The following STING1 variants were observed in gnomAD, a reference collection of about 807,000 sequenced individuals.
STING1 encodes the protein stimulator of interferon genes protein.
In STING1, 19 loss-of-function variants were observed where a neutral mutation model predicts 31.6. That is an observed-to-expected ratio of 0.60 (90% CI 0.42 to 0.88). The LOEUF (loss-of-function observed/expected upper bound fraction) is 0.88. Ranked by LOEUF, STING1 falls within the 40% of genes least tolerant of loss-of-function variation. The pLI is 0.00. For synonymous variants in STING1, 200 were observed against 208.6 expected, an observed-to-expected ratio of 0.96 and a Z score of 0.35; for missense variants, 371 against 483.7, an observed-to-expected ratio of 0.77 and a Z score of 2.19.
rs749076471 is a variant in STING1 at position 139,481,231 on chromosome 5, G to T, written c.339C>A (p.Val113=). 6.2e-7 allele frequency: 1 copy of T among 1,614,152 alleles called. No homozygotes were observed. The highest frequency in any genetic ancestry group is 8.5e-7 in the Non-Finnish European group (1 of 1,180,022). The change falls in exon 4 of 8, where the codon GTC becomes GTA. Residue 113 remains valine, a synonymous_variant. Coordinates refer to ENST00000330794, the MANE Select transcript of STING1 (RefSeq NM_198282.4). The surrounding 1 kb of genome is among the most constrained non-coding windows in gnomAD (Gnocchi z 4.1). The stretch of plus-strand genomic sequence containing the variant: ...CAAGCATCCAAGTGAAGGGCGGGCC[G>T]ACCGCATTTGGGAGGGAGTAGTAGA... ...IYFYYSLPNA[V]GPPFTWMLAL...
rs1180303982 is a variant in STING1 at position 139,480,887 on chromosome 5, T to C, written c.423A>G (p.Pro141=). 1 of 1,613,754 alleles carries C rather than the reference T, an allele frequency of 6.2e-7. No homozygotes were observed. The highest frequency in any genetic ancestry group is 2.2e-5 in the East Asian group (1 of 44,884). The change falls in exon 5 of 8, where the codon CCA becomes CCG. Residue 141 remains proline (P), a synonymous_variant. Transcript: ENST00000330794. ...TTTCACACACTGCAGAGATCTCAGC[T>C]GGGGCCAGGCCCTGTGGACAGCAGG... The part of the protein sequence containing the change: ...NILLGLKGLA[P]AEISAVCEKG...
At position 139,481,218 on chromosome 5, in the gene STING1, T is replaced by C; in HGVS notation, c.352A>G (p.Thr118Ala). 1 of 1,614,102 alleles carries C rather than the reference T, an allele frequency of 6.2e-7. No homozygotes were observed. The highest frequency in any genetic ancestry group is 8.5e-7 in the Non-Finnish European group (1 of 1,180,002). Reference protein sequence around the residue: ...SLPNAVGPPFTWMLALLGLSQ... With the variant: ...SLPNAVGPPFAWMLALLGLSQ... ...AGGCCCAGGAGGGCAAGCATCCAAG[T>C]GAAGGGCGGGCCGACCGCATTTGGG... Residue 118 changes from threonine to alanine, a missense_variant, in exon 4 of 8, where the codon ACT becomes GCT. Coordinates refer to ENST00000330794, the MANE Select transcript of STING1 (RefSeq NM_198282.4). The surrounding 1 kb of genome is among the most constrained non-coding windows in gnomAD (Gnocchi z 4.1).
At chr5:139,478,238 C>T (rs1751719612) in intron 6 of STING1, 32 bp downstream of exon 6, 2 of 1,550,086 alleles carry the variant, frequency 1.3e-6, no homozygotes, top group Non-Finnish European at 1.8e-6. Context: ...CCTGACCCCT[C>T]CTCAGAGACC....
At chr5:139,479,434 G>T (rs1464343598) in intron 5 of STING1, among the ~76,000 whole-genome samples, 1 of 151,952 alleles carries the variant, frequency 6.6e-6, no homozygotes, top group Non-Finnish European at 1.5e-5. Context: ...AGGCACAGTG[G>T]CTCATGCCTA....
At chr5:139,480,357 C>A (rs1306303362) in intron 5 of STING1, among the ~76,000 whole-genome samples, 2 of 152,102 alleles carry the variant, frequency 1.3e-5, no homozygotes, top group Admixed American at 6.5e-5. Context: ...ACCGGCCTGG[C>A]CAATACGGTG....
At position 139,476,072 on chromosome 5, in the gene STING1, C is replaced by T. The variant is rs993847517; in HGVS notation, c.*189G>A. The T allele has an allele frequency of 3.4e-5, 19 of 558,422 alleles. No homozygotes were observed. The highest frequency in any genetic ancestry group is 6.0e-5 in the Admixed American group (2 of 33,198). 34.6% of individuals were successfully genotyped at this position (558,422 alleles called of 1,614,324 possible). A position where few individuals can be genotyped will look rare whatever the true frequency, so the allele number is the denominator to read the frequency against. On this transcript the variant is annotated 3_prime_UTR_variant, in exon 8 of 8. Coordinates refer to ENST00000330794, the MANE Select transcript of STING1 (RefSeq NM_198282.4). The stretch of plus-strand genomic sequence containing the variant: ...ATCCCATTTCACAGGTTGAAGACAC[C>T]GAGGCTCAGAGAGGGGAAATGACTG...
rs144683867 is a variant in STING1, at chr5:139,477,346, C to T, written c.929G>A (p.Arg310His). ...CCCCTCACCCTGGTAGGCAATGAGG[C>T]GGCAGTTGTTCTGAGACTCAGGGGC... is the stretch of plus-strand genomic sequence containing the variant. The part of the protein sequence containing the change: ...ADAPESQNNC[R>H]LIAYQEPADD... The change falls in exon 7 of 8, where the codon CGC (arginine) becomes CAC (histidine). Residue 310 changes from arginine (R) to histidine (H), a missense_variant. Transcript: ENST00000330794. 2.9e-5 allele frequency: 47 copies of T among 1,613,732 alleles called. No individual in the cohort carries two copies. Among genetic ancestry groups the T allele is most frequent in the African/African-American group, 2.4e-4 (18 of 74,930 alleles).
chr5:139,476,664 T>C (rs1291004911), intron 7 of STING1, among the ~76,000 whole-genome samples: 1 of 151,964 alleles, frequency 6.6e-6, no homozygotes, highest in Admixed American at 6.6e-5. Context: ...CCTAGCACTT[T>C]GGGAGGCCGA....
chr5:139,478,188 A>G, intron 6 of STING1, 82 bp downstream of exon 6: 1 of 1,096,006 alleles, frequency 9.1e-7, no homozygotes. Context: ...AGGGCAGTGA[A>G]TTTTCATCAG....
At chr5:139,479,721 A>C (rs1751778382) in intron 5 of STING1, among the ~76,000 whole-genome samples, 1 of 139,214 alleles carries the variant, frequency 7.2e-6, no homozygotes, top group Admixed American at 7.3e-5. Context: ...AAAAAATCTA[A>C]GGCTGGTGCA....
chr5:139,480,797 G>C lies in STING1; in HGVS notation c.513C>G (p.Ile171Met). 6.2e-7 allele frequency: 1 copy of C among 1,611,844 alleles called. No individual in the cohort carries two copies. Among genetic ancestry groups the C allele is most frequent in the Non-Finnish European group, 8.5e-7 (1 of 1,177,928 alleles). ...WSYYIGYLRL[I>M]LPELQARIRT... ...GCAGAGAGGATGGCCCACCTGGCAGGATCAGCCGCAGATATCCGATGTAAT... is the reference window on the plus strand; with the variant it reads ...GCAGAGAGGATGGCCCACCTGGCAGCATCAGCCGCAGATATCCGATGTAAT... The change falls in exon 5 of 8, where the codon ATC becomes ATG. Residue 171 changes from isoleucine to methionine, a missense_variant. Ile to Met is a conservative substitution (Grantham distance 10). Transcript: ENST00000330794.
Position 139,481,188 on chromosome 5 carries a change from G to T in STING1, c.382C>A (p.Gln128Lys). The T allele has an allele frequency of 1.9e-6, 3 of 1,614,200 alleles. No homozygotes were observed. Among genetic ancestry groups the T allele is most frequent in the Non-Finnish European group, 2.5e-6 (3 of 1,180,028 alleles). The change falls in exon 4 of 8, where the codon CAG (glutamine) becomes AAG (lysine). Residue 128 changes from glutamine to lysine, a missense_variant. By Grantham distance (53) the Gln-to-Lys change is moderately conservative. Coordinates refer to ENST00000330794, the MANE Select transcript of STING1 (RefSeq NM_198282.4). This position sits in a 1 kb window ranked among gnomAD's most constrained non-coding sequence, Gnocchi z 4.1. ...TWMLALLGLS[Q>K]ALNILLGLKG... ...AGGCCCAGGAGGATGTTCAGTGCCTGCGAGAGGCCCAGGAGGGCAAGCATC... is the reference window on the plus strand; with the variant it reads ...AGGCCCAGGAGGATGTTCAGTGCCTTCGAGAGGCCCAGGAGGGCAAGCATC...
chr5:139,481,838 GA>G lies in STING1; in HGVS notation c.1-135del. 1.4e-6 allele frequency: 1 copy of G among 708,940 alleles called. No homozygotes were observed. Among genetic ancestry groups the G allele is most frequent in the Non-Finnish European group, 2.4e-6 (1 of 423,740 alleles). 43.9% of individuals were successfully genotyped at this position (708,940 alleles called of 1,614,324 possible). ...GCCACTCCCAGAGGCTGCTCTTAGA[GA>G]CACCTCTAGGAGGCAGGCTGGGAAT... On this transcript the variant is annotated intron_variant, in intron 2 of 7. Coordinates refer to ENST00000330794, the MANE Select transcript of STING1 (RefSeq NM_198282.4). This position sits in a 1 kb window ranked among gnomAD's most constrained non-coding sequence, Gnocchi z 4.1.
At chr5:139,480,590 T>C (rs1751809054) in intron 5 of STING1, among the ~76,000 whole-genome samples, 200 bp downstream of exon 5, 1 of 152,170 alleles carries the variant, frequency 6.6e-6, no homozygotes, top group Non-Finnish European at 1.5e-5. Context: ...GCAAGTCACT[T>C]AATGGCTCTA....
rs2152093364 is a variant in STING1, at chr5:139,477,471, C to G, written c.804G>C (p.Leu268Phe). The change falls in exon 7 of 8, where the codon TTG becomes TTC. Residue 268 changes from leucine to phenylalanine, a missense_variant. Transcript: ENST00000330794. ...CTTGACTGTATTGTGACATGGCAAA[C>G]AAAGTCTGCAAGGGGGTGGCGTACT... ...VLEYATPLQT[L>F]FAMSQYSQAG... 1.2e-6 allele frequency: 2 copies of G among 1,614,178 alleles called. No homozygotes were observed. The highest frequency in any genetic ancestry group is 1.7e-6 in the Non-Finnish European group (2 of 1,180,008).
intron 5 of STING1, among the ~76,000 whole-genome samples, chr5:139,479,717 T>G (rs1385798455): frequency 7.8e-6 from 1 of 127,996 alleles, no homozygotes; most frequent in African/African-American, 3.0e-5. Context: ...AAAAAAAAAA[T>G]CTAAGGCTGG....
chr5:139,481,684 A>C lies in STING1; in HGVS notation c.21T>G (p.His7Gln). Residue 7 changes from histidine (H) to glutamine (Q), a missense_variant, in exon 3 of 8, where the codon CAT becomes CAG. Coordinates refer to ENST00000330794, the MANE Select transcript of STING1 (RefSeq NM_198282.4). This position sits in a 1 kb window ranked among gnomAD's most constrained non-coding sequence, Gnocchi z 4.1. MPHSSLHPSIPCPRGHG... is the reference protein window; with the variant it reads MPHSSLQPSIPCPRGHG... ...GACCCCTGGGACACGGGATGGATGGATGCAGGCTGGAGTGGGGCATCTGTG... is the reference window on the plus strand; with the variant it reads ...GACCCCTGGGACACGGGATGGATGGCTGCAGGCTGGAGTGGGGCATCTGTG... 10 of 1,605,938 alleles carry C rather than the reference A, an allele frequency of 6.2e-6. No individual in the cohort carries two copies. Among genetic ancestry groups the C allele is most frequent in the Non-Finnish European group, 8.5e-6 (10 of 1,174,086 alleles).
intron 5 of STING1, among the ~76,000 whole-genome samples, chr5:139,479,445 T>C (rs1400042289): frequency 6.6e-6 from 1 of 151,686 alleles, no homozygotes; most frequent in Non-Finnish European, 1.5e-5. Flanking sequence ...CTCATGCCTA[T>C]AGTTCTAGCA....
Position 139,478,361 on chromosome 5 carries a change from T to C in STING1, c.668A>G (p.Asp223Gly), listed in dbSNP as rs746097569. 10 of 1,614,166 alleles carry C rather than the reference T, an allele frequency of 6.2e-6. No individual in the cohort carries two copies. In the Admixed American group the frequency reaches 1.3e-4, roughly 22 times the overall value. ...SMADPNIRFL[D>G]KLPQQTGDHA... ...GTCACCGGTCTGCTGGGGCAGTTTA[T>C]CCAGGAAGCGAATGTTGGGGTCAGC... The change falls in exon 6 of 8, where the codon GAT (aspartate) becomes GGT (glycine). Residue 223 changes from aspartate to glycine, a missense_variant. Transcript: ENST00000330794.
Sources: gnomAD v4.1 joint callset for allele counts (sites outside exome capture counted in the v4.1 genomes callset) on GRCh38, gnomAD v4.1.1 for gene constraint, Gnocchi (gnomAD v3.1) non-coding constraint, MANE v1.5 for transcripts, NCBI Gene and HGNC (gene_info 2026-07-23, HGNC 2026-07-21) for gene names.